The following BTBD9 variants were observed in gnomAD, a reference collection of about 807,000 sequenced individuals.
The protein encoded by BTBD9 is BTB domain containing 9.
In BTBD9, 49 loss-of-function variants were observed where a neutral mutation model predicts 64.3. That is an observed-to-expected ratio of 0.76 (90% CI 0.61 to 0.97). The LOEUF (loss-of-function observed/expected upper bound fraction) is 0.97. Among genes scored for constraint, BTBD9 ranks in the 50% least tolerant of loss-of-function variants. BTBD9 has a pLI of 0.00. For missense variants in BTBD9, 598 were observed against 762.1 expected (o/e 0.78, Z 2.53); for synonymous variants, 260 against 274.7 (o/e 0.95, Z 0.53).
chr6:38,310,872 G>A (rs994605804), intron 7 of BTBD9, among the ~76,000 whole-genome samples: 3 of 152,158 alleles, frequency 2.0e-5, no homozygotes, highest in African/African-American at 7.2e-5. Context: ...GTGCAGTGGC[G>A]TGATCTTGAC....
chr6:38,428,872 G>C (rs1768305358), intron 6 of BTBD9, among the ~76,000 whole-genome samples: 1 of 151,254 alleles, frequency 6.6e-6, no homozygotes, highest in South Asian at 2.1e-4. Flanking sequence ...ACCACGCCCG[G>C]CTAATTTTTT....
chr6:38,574,803 C>A (rs943377051), intron 6 of BTBD9, among the ~76,000 whole-genome samples: 2 of 152,146 alleles, frequency 1.3e-5, no homozygotes, highest in Admixed American at 6.5e-5. Context: ...CCTAACTCCA[C>A]AGCCCATTGT....
chr6:38,492,852 C>T (rs920079555), intron 6 of BTBD9, among the ~76,000 whole-genome samples: 41 of 152,094 alleles, frequency 2.7e-4, no homozygotes, highest in Non-Finnish European at 5.9e-5. Context: ...AGTACCACTG[C>T]ATAAAAAAAT....
Position 38,592,743 on chromosome 6 carries a change from T to G in BTBD9, c.647A>C (p.Glu216Ala). Residue 216 changes from glutamate to alanine, a missense_variant, in exon 4 of 11, where the codon GAG becomes GCG. Coordinates refer to ENST00000481247, the MANE Select transcript of BTBD9 (RefSeq NM_001099272.2). ...AGCCTGCATGATTTCAGCATGATTCTCCTTTGAATTGTGCTTACACCAGTT... is the reference window on the plus strand; with the variant it reads ...AGCCTGCATGATTTCAGCATGATTCGCCTTTGAATTGTGCTTACACCAGTT... ...LLNWCKHNSK[E>A]NHAEIMQAVR... The G allele has an allele frequency of 1.2e-6, 2 of 1,614,226 alleles. No homozygotes were observed.
chr6:38,176,062 C>T (rs754867452), intron 10 of BTBD9, among the ~76,000 whole-genome samples: 7 of 152,218 alleles, frequency 4.6e-5, no homozygotes, highest in Non-Finnish European at 8.8e-5. Context: ...CCGAGCTCAG[C>T]GCCCCGCAAG....
chr6:38,171,414 A>C lies in BTBD9; in HGVS notation c.*3571T>G, dbSNP rs1223398191. ...AAACACTTTTAATGTATTTGTCAGG[A>C]ATCGACACTTCATTTAATAGGATTT... On this transcript the variant is annotated 3_prime_UTR_variant, in exon 11 of 11. Transcript: ENST00000481247. 2.6e-5 allele frequency: 4 copies of C among 152,142 alleles called. No individual in the cohort carries two copies. The highest frequency in any genetic ancestry group is 2.6e-4 in the Admixed American group (4 of 15,262). The allele number at this position is 152,142 out of a possible 1,614,324, so 9.4% of individuals were successfully genotyped here.
In BTBD9 at chr6:38,433,018, T is replaced by C. The variant is rs7749028; in HGVS notation, c.1155-87925A>G. On this transcript the variant is annotated intron_variant, in intron 6 of 10. Coordinates refer to ENST00000481247, the MANE Select transcript of BTBD9 (RefSeq NM_001099272.2). ...TTTATAAATTACCCAGTCTCAGATATTCTGTTATAGCAACAGAAAACTGAA... is the reference window on the plus strand; with the variant it reads ...TTTATAAATTACCCAGTCTCAGATACTCTGTTATAGCAACAGAAAACTGAA... Among the ~76,000 whole-genome samples the C allele has an allele frequency of 2.9e-3, 445 of 152,114 alleles. 7 individuals are homozygous for C. The highest frequency in any genetic ancestry group is 0.01 in the African/African-American group (421 of 41,354).
At chr6:38,572,290 T>G (rs1372750484) in intron 6 of BTBD9, among the ~76,000 whole-genome samples, 5 of 152,190 alleles carry the variant, frequency 3.3e-5, no homozygotes, top group African/African-American at 1.2e-4. Flanking sequence ...AAGTAGGCGC[T>G]TATTTGTTGA....
intron 7 of BTBD9, among the ~76,000 whole-genome samples, chr6:38,296,892 C>A (rs1762173507): frequency 6.6e-6 from 1 of 152,054 alleles, no homozygotes; most frequent in Admixed American, 6.5e-5. Flanking sequence ...TTCGTAAAAT[C>A]TTAGATTTAC....
At chr6:38,273,334 T>C (rs1765258072) in intron 8 of BTBD9, among the ~76,000 whole-genome samples, 2 of 152,144 alleles carry the variant, frequency 1.3e-5, no homozygotes, top group African/African-American at 4.8e-5. Flanking sequence ...TACAACCCTA[T>C]ATTTTGTATA....
chr6:38,169,187 C>T lies in BTBD9; in HGVS notation c.*5798G>A. 6.6e-6 allele frequency: 1 copy of T among 152,348 alleles called. No individual in the cohort carries two copies. Among genetic ancestry groups the T allele is most frequent in the East Asian group, 1.9e-4 (1 of 5,194 alleles). 9.4% of individuals were successfully genotyped at this position (152,348 alleles called of 1,614,324 possible). ...CTGATTGAGGGGCCTGGGAAGACCC[C>T]ATGGCCTCCAGCAGGTCTCAGAATG... On this transcript the variant is annotated 3_prime_UTR_variant, in exon 11 of 11. Coordinates refer to ENST00000481247, the MANE Select transcript of BTBD9 (RefSeq NM_001099272.2).
rs533079944 is a variant in BTBD9, at chr6:38,373,518, G to A, written c.1155-28425C>T. 3.9e-5 allele frequency among the ~76,000 whole-genome samples: 6 copies of A among 152,210 alleles called. No individual in the cohort carries two copies. In the South Asian group the frequency reaches 1.2e-3, roughly 32 times the overall value. On this transcript the variant is annotated intron_variant, in intron 6 of 10. Coordinates refer to ENST00000481247, the MANE Select transcript of BTBD9 (RefSeq NM_001099272.2). ...TTCAGAAGGCATTCTGCTATACCTA[G>A]TGTTGGGAGGTGCATATAAACTTGT...
chr6:38,469,351 C>T (rs1770533088), intron 6 of BTBD9, among the ~76,000 whole-genome samples: 1 of 144,744 alleles, frequency 6.9e-6, no homozygotes, highest in African/African-American at 2.5e-5. Flanking sequence ...GACAGTCTCG[C>T]TCTGTCGCCC....
At chr6:38,431,723 C>T (rs533178705) in intron 6 of BTBD9, among the ~76,000 whole-genome samples, 11 of 151,862 alleles carry the variant, frequency 7.2e-5, no homozygotes, top group African/African-American at 1.2e-4. Flanking sequence ...CTCCTCTAGA[C>T]TGATAAATGA....
intron 8 of BTBD9, 64 bp downstream of exon 8, chr6:38,288,208 C>T: frequency 2.7e-6 from 4 of 1,460,022 alleles, no homozygotes; most frequent in South Asian, 1.3e-5. Context: ...ATCATTTTAC[C>T]AAAATACAAT....
chr6:38,315,870 T>C (rs996430377), intron 7 of BTBD9, among the ~76,000 whole-genome samples: 1 of 152,182 alleles, frequency 6.6e-6, no homozygotes, highest in South Asian at 2.1e-4. Context: ...CTTTATTGAT[T>C]TTCTGTCTAA....
intron 6 of BTBD9, among the ~76,000 whole-genome samples, chr6:38,475,874 TGA>T (rs1018036546): frequency 4.3e-4 from 66 of 152,238 alleles, no homozygotes; most frequent in African/African-American, 1.5e-3. Flanking sequence ...AGAGATTCTC[TGA>T]GAGTCTCAGA....
intron 6 of BTBD9, among the ~76,000 whole-genome samples, chr6:38,350,642 T>C (rs2127592516): frequency 6.6e-6 from 1 of 152,374 alleles, no homozygotes; most frequent in South Asian, 2.1e-4. Flanking sequence ...CTTTATATTC[T>C]TAGGTTAAAC....
chr6:38,505,972 A>AAAAAAAAAAAAAAAAAC (rs1344793759), intron 6 of BTBD9, among the ~76,000 whole-genome samples: 1 of 149,636 alleles, frequency 6.7e-6, no homozygotes, highest in African/African-American at 2.5e-5. Flanking sequence ...AACAAAAAAA[A>AAAAAAAAAAAAAAAAAC]AAAAAAAAAA....
Sources: gnomAD v4.1 joint callset for allele counts (sites outside exome capture counted in the v4.1 genomes callset) on GRCh38, gnomAD v4.1.1 for gene constraint, MANE v1.5 for transcripts, NCBI Gene and HGNC (gene_info 2026-07-23, HGNC 2026-07-21) for gene names.